CYP19A1: variants seen among roughly 807,000 people sequenced by gnomAD.
The protein encoded by CYP19A1 is aromatase.
Under a neutral mutation model 44.4 loss-of-function variants are expected in CYP19A1, and 32 were observed. That is an observed-to-expected ratio of 0.72 (90% CI 0.54 to 0.97). The LOEUF is 0.97. Among genes scored for constraint, CYP19A1 ranks in the 50% least tolerant of loss-of-function variants. The pLI, the probability that CYP19A1 is intolerant of heterozygous loss-of-function variation, is 0.00. For missense variants in CYP19A1, 598 were observed against 637.8 expected (o/e 0.94, Z 0.67); for synonymous variants, 212 against 215.6 (o/e 0.98, Z 0.14).
chr15:51,212,897 T>G (rs2031167455), intron 8 of CYP19A1, among the ~76,000 whole-genome samples: 1 of 152,180 alleles, frequency 6.6e-6, no homozygotes, highest in African/African-American at 2.4e-5. Context: ...AGAGGGGGCA[T>G]ACATCATACA....
chr15:51,220,245 A>T (rs1488524467), intron 5 of CYP19A1, among the ~76,000 whole-genome samples: 1 of 152,136 alleles, frequency 6.6e-6, no homozygotes, highest in Non-Finnish European at 1.5e-5. Flanking sequence ...TCTCCATGAC[A>T]TCTGTGCCCA....
intron 1 of CYP19A1, among the ~76,000 whole-genome samples, chr15:51,326,987 T>A (rs2036618132): frequency 6.6e-6 from 1 of 152,162 alleles, no homozygotes; most frequent in South Asian, 2.1e-4. Flanking sequence ...AAGCTCAGTC[T>A]TTTGAATCCA....
At chr15:51,277,954 G>GTTTTTTTTTT (rs68014518) in intron 1 of CYP19A1, 1 of 110,578 alleles carries the variant, frequency 9.0e-6, no homozygotes, top group Admixed American at 9.4e-5. Context: ...AGTTGCATGA[G>GTTTTTTTTTT]TTTTTTTTTT....
chr15:51,232,115 G>A (rs554968899), intron 3 of CYP19A1, among the ~76,000 whole-genome samples: 1 of 152,140 alleles, frequency 6.6e-6, no homozygotes, highest in Admixed American at 6.5e-5. Context: ...CTCATCTACT[G>A]GCCCATTTCC....
At chr15:51,274,369 C>T (rs1027950918) in intron 1 of CYP19A1, among the ~76,000 whole-genome samples, 1 of 152,180 alleles carries the variant, frequency 6.6e-6, no homozygotes, top group Admixed American at 6.5e-5. Flanking sequence ...GAGGAATTAC[C>T]CATAGATATC....
chr15:51,295,184 A>G (rs992386515), intron 1 of CYP19A1, among the ~76,000 whole-genome samples: 5 of 150,546 alleles, frequency 3.3e-5, no homozygotes, highest in Non-Finnish European at 7.4e-5. Context: ...CACAAAATAT[A>G]CAATAGAATT....
intron 1 of CYP19A1, among the ~76,000 whole-genome samples, chr15:51,278,346 G>A (rs1006116625): frequency 1.2e-4 from 19 of 152,284 alleles, no homozygotes; most frequent in Admixed American, 9.8e-4. Flanking sequence ...AGATCTGTGC[G>A]TACGCTCCTG....
At chr15:51,272,489 T>C (rs1382899893) in intron 1 of CYP19A1, among the ~76,000 whole-genome samples, 1 of 152,198 alleles carries the variant, frequency 6.6e-6, no homozygotes, top group African/African-American at 2.4e-5. Flanking sequence ...GAGTTTGAGC[T>C]TCCTCATCTG....
intron 3 of CYP19A1, among the ~76,000 whole-genome samples, chr15:51,234,161 G>C (rs1414117403): frequency 6.6e-6 from 1 of 152,188 alleles, no homozygotes; most frequent in Non-Finnish European, 1.5e-5. Context: ...GGTACGGGGA[G>C]TGCTGGAAGG....
intron 1 of CYP19A1, among the ~76,000 whole-genome samples, chr15:51,287,612 C>G (rs1212438034): frequency 1.3e-5 from 2 of 152,192 alleles, no homozygotes; most frequent in African/African-American, 4.8e-5. Context: ...TTCCCCCTCC[C>G]TCTGCCCTGG....
intron 3 of CYP19A1, among the ~76,000 whole-genome samples, chr15:51,234,045 T>C (rs1192415417): frequency 2.0e-5 from 3 of 152,164 alleles, no homozygotes; most frequent in African/African-American, 7.2e-5. Flanking sequence ...TTCTACACAG[T>C]TGTAATGACT....
intron 1 of CYP19A1, among the ~76,000 whole-genome samples, chr15:51,310,773 G>C (rs771706591): frequency 1.3e-5 from 2 of 152,182 alleles, no homozygotes; most frequent in Non-Finnish European, 2.9e-5. Flanking sequence ...AGAGGACCAG[G>C]AAAAGGAGCT....
intron 1 of CYP19A1, among the ~76,000 whole-genome samples, chr15:51,244,754 A>T (rs2033973731): frequency 1.3e-5 from 2 of 152,180 alleles, no homozygotes; most frequent in Non-Finnish European, 2.9e-5. Flanking sequence ...CCAGCAAAAA[A>T]CTTCACATTA....
chr15:51,236,179 G>A (rs982083314), intron 3 of CYP19A1, among the ~76,000 whole-genome samples: 6 of 152,014 alleles, frequency 3.9e-5, no homozygotes, highest in African/African-American at 9.7e-5. Flanking sequence ...CGGGATACTC[G>A]CATAAAGTCA....
chr15:51,283,544 C>G (rs1253230115), intron 1 of CYP19A1, among the ~76,000 whole-genome samples: 1 of 152,226 alleles, frequency 6.6e-6, no homozygotes, highest in Non-Finnish European at 1.5e-5. Flanking sequence ...GCTACTCTTT[C>G]AGCTCAGGCT....
chr15:51,313,479 T>G (rs189351664), intron 1 of CYP19A1, among the ~76,000 whole-genome samples: 143 of 152,200 alleles, frequency 9.4e-4, no homozygotes, highest in Non-Finnish European at 1.7e-3. Context: ...CTTGCTCACG[T>G]TTGGACCTCG....
At chr15:51,259,793 G>C (rs775200956) in intron 1 of CYP19A1, among the ~76,000 whole-genome samples, 3 of 152,128 alleles carry the variant, frequency 2.0e-5, no homozygotes, top group Non-Finnish European at 4.4e-5. Context: ...GCAGAGAAAA[G>C]ACAAAGATAG....
At chr15:51,211,152 C>CA in intron 9 of CYP19A1, 96 bp from the exon 10 acceptor site, 2 of 839,272 alleles carry the variant, frequency 2.4e-6, no homozygotes, top group Non-Finnish European at 2.0e-6. Context: ...AGTCAGAACA[C>CA]TGTTTTGGGG....
In CYP19A1 at chr15:51,275,970, G is replaced by A. The variant is rs28757135; in HGVS notation, c.-38-33020C>T. ...GCCTGAGGTTTGAAGGAAAAGGGCC[G>A]TCAAGTTTGTCTAGGACTTTTAGAC... On this transcript the variant is annotated intron_variant, in intron 1 of 9. Transcript: ENST00000396402. Among the ~76,000 whole-genome samples, 1,484 of 152,278 alleles carry A rather than the reference G, an allele frequency of 9.7e-3. 24 individuals carry two copies. The highest frequency in any genetic ancestry group is 0.034 in the African/African-American group (1,431 of 41,542).
Sources: allele counts gnomAD v4.1 joint callset (sites outside exome capture counted in the v4.1 genomes callset), GRCh38; gene constraint gnomAD v4.1.1; transcripts MANE v1.5; gene names NCBI Gene and HGNC (gene_info 2026-07-23, HGNC 2026-07-21).